Variants in PDE8A observed in about 807,000 individuals in gnomAD.
The protein encoded by PDE8A is phosphodiesterase 8A.
A neutral mutation model predicts 105.0 loss-of-function variants in PDE8A; 59 were observed. That is an observed-to-expected ratio of 0.56 (90% CI 0.46 to 0.70). The LOEUF (loss-of-function observed/expected upper bound fraction) is 0.70. Ranked by LOEUF, PDE8A falls within the 30% of genes least tolerant of loss-of-function variation. The pLI, the probability that PDE8A is intolerant of heterozygous loss-of-function variation, is 0.00. For missense variants in PDE8A, 1,014 were observed against 1,045.9 expected, an observed-to-expected ratio of 0.97 and a Z score of 0.42; for synonymous variants, 355 against 371.9, an observed-to-expected ratio of 0.95 and a Z score of 0.52.
chr15:84,993,488 A>G (rs962109003), intron 1 of PDE8A, among the ~76,000 whole-genome samples: 8 of 150,494 alleles, frequency 5.3e-5, no homozygotes, highest in African/African-American at 2.0e-4. Flanking sequence ...CTTAAATTGT[A>G]CAATCACTTA....
intron 2 of PDE8A, among the ~76,000 whole-genome samples, chr15:85,066,584 AC>A (rs1487464869): frequency 0.14 from 272 of 1,878 alleles, 3 homozygotes; most frequent in African/African-American, 0.25. Flanking sequence ...TCCCCCCAAA[AC>A]ACACACACAC....
intron 9 of PDE8A, among the ~76,000 whole-genome samples, chr15:85,098,954 C>A: frequency 6.7e-6 from 1 of 148,888 alleles, no homozygotes; most frequent in Admixed American, 6.7e-5. Flanking sequence ...AAGACACTGT[C>A]TCAAAAGGAA....
Position 85,089,065 on chromosome 15 carries a change from A to C in PDE8A, c.636-273A>C, listed in dbSNP as rs2081598391. 2.6e-5 allele frequency among the ~76,000 whole-genome samples: 4 copies of C among 152,222 alleles called. No homozygotes were observed. In the South Asian group the frequency reaches 8.3e-4, roughly 32 times the overall value. On this transcript the variant is annotated intron_variant, in intron 6 of 21. Transcript: ENST00000394553. ...CTTGCCCAGGGTCCCACAGCTGCTGAAGAGCTGTGATTTGACCGTGGTATG... is the reference window on the plus strand; with the variant it reads ...CTTGCCCAGGGTCCCACAGCTGCTGCAGAGCTGTGATTTGACCGTGGTATG...
chr15:85,126,414 A>T (rs370889438), intron 20 of PDE8A, 40 bp downstream of exon 20: 1 of 1,351,594 alleles, frequency 7.4e-7, no homozygotes, highest in Non-Finnish European at 9.9e-7. Context: ...AGAGAGAGAG[A>T]GTTAAAACCC....
intron 20 of PDE8A, among the ~76,000 whole-genome samples, chr15:85,129,430 C>G (rs185159870): frequency 4.0e-4 from 61 of 152,250 alleles, no homozygotes; most frequent in Non-Finnish European, 8.1e-4. Context: ...TTGGTCTATT[C>G]AGATTCTGTT....
chr15:85,047,402 GAGCAGTGGCAAGT>G (rs750230267), intron 1 of PDE8A, among the ~76,000 whole-genome samples: 76 of 152,256 alleles, frequency 5.0e-4, no homozygotes, highest in Non-Finnish European at 9.6e-4. Context: ...ATTTTGGGGG[GAGCAGTGGCAAGT>G]AGTTGTCCGG....
At chr15:85,073,313 A>G (rs1185389144) in intron 3 of PDE8A, among the ~76,000 whole-genome samples, 2 of 152,056 alleles carry the variant, frequency 1.3e-5, no homozygotes, top group East Asian at 1.9e-4. Context: ...TTATTTTTCA[A>G]CTCAGTTTCC....
At chr15:85,052,691 T>C (rs2080996239) in intron 1 of PDE8A, among the ~76,000 whole-genome samples, 1 of 152,218 alleles carries the variant, frequency 6.6e-6, no homozygotes, top group African/African-American at 2.4e-5. Flanking sequence ...TCTTGTAAAT[T>C]TGTTTAAGTT....
chr15:85,052,077 G>A (rs1198620565), intron 1 of PDE8A, among the ~76,000 whole-genome samples: 1 of 151,868 alleles, frequency 6.6e-6, no homozygotes, highest in African/African-American at 2.4e-5. Flanking sequence ...GCAGTGTTTG[G>A]TTTTCTGTCC....
intron 1 of PDE8A, among the ~76,000 whole-genome samples, chr15:85,022,861 A>C (rs2080451753): frequency 6.6e-6 from 1 of 152,082 alleles, no homozygotes; most frequent in Admixed American, 6.5e-5. Flanking sequence ...CCAGATTTAT[A>C]TCTAATGGGA....
At chr15:85,136,241 T>C (rs904089653) in intron 20 of PDE8A, among the ~76,000 whole-genome samples, 10 of 152,260 alleles carry the variant, frequency 6.6e-5, no homozygotes, top group African/African-American at 2.2e-4. Flanking sequence ...GGTGGCTGAC[T>C]ACACATAATG....
Position 85,125,639 on chromosome 15 carries a change from TTG to T in PDE8A, c.2086-565_2086-564del, listed in dbSNP as rs575653690. Among the ~76,000 whole-genome samples, 122 of 152,320 alleles carry T rather than the reference TTG, an allele frequency of 8.0e-4. 1 individual carries two copies. The highest frequency in any genetic ancestry group is 2.6e-3 in the African/African-American group (109 of 41,588). On this transcript the variant is annotated intron_variant, in intron 19 of 21. Coordinates refer to ENST00000394553, the MANE Select transcript of PDE8A (RefSeq NM_002605.3). ...TTTTCATGCTTACCATTAGATCTTC[TTG>T]TGAGTGCAGATCAACAGAGAATGAC... is the stretch of plus-strand genomic sequence containing the variant.
chr15:85,137,668 T>C (rs1158513019), intron 21 of PDE8A, 129 bp from the exon 22 acceptor site: 3 of 622,364 alleles, frequency 4.8e-6, no homozygotes, highest in Non-Finnish European at 5.8e-6. Context: ...CTGGGTGTGT[T>C]TGCCCGGGTC....
intron 3 of PDE8A, among the ~76,000 whole-genome samples, chr15:85,074,987 G>A (rs2081361364): frequency 6.6e-6 from 1 of 152,126 alleles, no homozygotes; most frequent in African/African-American, 2.4e-5. Context: ...TCTTCCTCTG[G>A]GTCTGGGGTG....
intron 1 of PDE8A, among the ~76,000 whole-genome samples, chr15:85,034,795 C>G (rs925142976): frequency 2.6e-5 from 4 of 152,178 alleles, no homozygotes; most frequent in African/African-American, 9.7e-5. Flanking sequence ...AAGTGAACCT[C>G]TCACCTTGGC....
chr15:85,034,126 G>A (rs1321669592), intron 1 of PDE8A, among the ~76,000 whole-genome samples: 1 of 152,138 alleles, frequency 6.6e-6, no homozygotes, highest in East Asian at 1.9e-4. Flanking sequence ...TAGTAAAGGA[G>A]AAATTTTGAC....
intron 1 of PDE8A, among the ~76,000 whole-genome samples, chr15:85,002,185 C>A (rs2080077887): frequency 6.6e-6 from 1 of 151,886 alleles, no homozygotes; most frequent in Non-Finnish European, 1.5e-5. Flanking sequence ...AGGCTGCCCC[C>A]CCAGTTCAGA....
rs74880646 is a variant in PDE8A, at chr15:85,007,659, G to C, written c.186+25311G>C. On this transcript the variant is annotated intron_variant, in intron 1 of 21. Coordinates refer to ENST00000394553, the MANE Select transcript of PDE8A (RefSeq NM_002605.3). Reference sequence around the variant, plus strand: ...AATTACTTAACCTGTTTGTGCCTCAGATTTCAAGTCATATAAAATGAGAAT... The same window carrying C: ...AATTACTTAACCTGTTTGTGCCTCACATTTCAAGTCATATAAAATGAGAAT... Among the ~76,000 whole-genome samples, 856 of 152,084 alleles carry C rather than the reference G, an allele frequency of 5.6e-3. 16 individuals carry two copies. Among genetic ancestry groups the C allele is most frequent in the Admixed American group, 0.016 (248 of 15,262 alleles).
chr15:85,026,459 C>T (rs546102227), intron 1 of PDE8A, among the ~76,000 whole-genome samples: 2 of 152,126 alleles, frequency 1.3e-5, no homozygotes, highest in Non-Finnish European at 2.9e-5. Context: ...CCAGAGGAAG[C>T]ATTTAGAGAG....
Sources: gnomAD v4.1 joint callset for allele counts (sites outside exome capture counted in the v4.1 genomes callset) on GRCh38, gnomAD v4.1.1 for gene constraint, MANE v1.5 for transcripts, NCBI Gene and HGNC (gene_info 2026-07-23, HGNC 2026-07-21) for gene names.